LUZP2: variants seen among roughly 807,000 people sequenced by gnomAD.
The protein encoded by LUZP2 is leucine zipper protein 2.
LUZP2 carries 52 observed loss-of-function variants against 51.6 expected under a neutral mutation model. The ratio of observed to expected loss-of-function variants is 1.01; its 90% CI spans 0.81 to 1.27. The LOEUF is 1.27. Ranked by LOEUF, LUZP2 falls within the 50% of genes most tolerant of loss-of-function variation. The pLI is 0.00. For missense variants in LUZP2, 436 were observed against 395.4 expected, an observed-to-expected ratio of 1.10 and a Z score of -0.87; for synonymous variants, 154 against 137.3, an observed-to-expected ratio of 1.12 and a Z score of -0.85.
chr11:24,708,191 T>C (rs1243749859), intron 1 of LUZP2, among the ~76,000 whole-genome samples: 1 of 152,202 alleles, frequency 6.6e-6, no homozygotes, highest in Admixed American at 6.5e-5. Context: ...ATATTAATTC[T>C]TTGAAAAGAA....
At chr11:24,875,343 A>C (rs1852215661) in intron 5 of LUZP2, among the ~76,000 whole-genome samples, 1 of 149,944 alleles carries the variant, frequency 6.7e-6, no homozygotes, top group African/African-American at 2.5e-5. Context: ...ATGAGTGAGA[A>C]GATGTGGTGT....
chr11:25,051,959 T>C (rs1337765177), intron 10 of LUZP2, among the ~76,000 whole-genome samples: 1 of 152,142 alleles, frequency 6.6e-6, no homozygotes, highest in Non-Finnish European at 1.5e-5. Flanking sequence ...GTTGTTCTCC[T>C]TTGTCAGGGA....
chr11:24,928,246 G>C (rs1854337952), intron 7 of LUZP2, among the ~76,000 whole-genome samples: 2 of 151,934 alleles, frequency 1.3e-5, no homozygotes, highest in Non-Finnish European at 1.5e-5. Flanking sequence ...TTGTCTGATT[G>C]CCCTGGCTAG....
rs1190362313 is a variant in LUZP2 at position 24,543,806 on chromosome 11, A to C, written c.62+46501A>C. 4.6e-4 allele frequency among the ~76,000 whole-genome samples: 49 copies of C among 107,108 alleles called. 1 individual carries two copies. The highest frequency in any genetic ancestry group is 1.8e-3 in the African/African-American group (47 of 25,882). 70.3% of individuals were successfully genotyped at this position (107,108 alleles called of 152,430 possible). A position where few individuals can be genotyped will look rare whatever the true frequency, so the allele number is the denominator to read the frequency against. On this transcript the variant is annotated intron_variant, in intron 1 of 11. Transcript: ENST00000336930. Reference sequence around the variant, plus strand: ...CATTGCACTCCAGCCTGGGTGACAGACTGAGACTCTGTCTCACAAAAAAAA... The same window carrying C: ...CATTGCACTCCAGCCTGGGTGACAGCCTGAGACTCTGTCTCACAAAAAAAA...
At chr11:25,017,768 A>G (rs570228810) in intron 9 of LUZP2, among the ~76,000 whole-genome samples, 195 of 152,028 alleles carry the variant, frequency 1.3e-3, no homozygotes, top group African/African-American at 4.5e-3. Flanking sequence ...TTCTGGCTCT[A>G]TTTTTGTTCC....
intron 5 of LUZP2, among the ~76,000 whole-genome samples, chr11:24,770,463 T>C (rs1860364144): frequency 6.6e-6 from 1 of 152,210 alleles, no homozygotes; most frequent in Admixed American, 6.5e-5. Flanking sequence ...CTCTCAGTTA[T>C]CTTTCTCATC....
chr11:24,787,383 A>G (rs971462045), intron 5 of LUZP2, among the ~76,000 whole-genome samples: 2 of 152,184 alleles, frequency 1.3e-5, no homozygotes, highest in African/African-American at 2.4e-5. Context: ...ACAAAGATTT[A>G]TTGTGAAAAC....
intron 5 of LUZP2, among the ~76,000 whole-genome samples, chr11:24,860,120 A>T (rs72872489): frequency 6.6e-6 from 1 of 152,136 alleles, no homozygotes; most frequent in East Asian, 1.9e-4. Flanking sequence ...CCAGGGAGGC[A>T]TAAAGGCCTA....
chr11:25,012,793 C>T (rs552604271), intron 9 of LUZP2, among the ~76,000 whole-genome samples: 1 of 152,230 alleles, frequency 6.6e-6, no homozygotes, highest in African/African-American at 2.4e-5. Flanking sequence ...ACTCGTACAT[C>T]CACTATGAAG....
At chr11:24,913,959 T>C (rs1853715559) in intron 6 of LUZP2, among the ~76,000 whole-genome samples, 1 of 152,154 alleles carries the variant, frequency 6.6e-6, no homozygotes, top group African/African-American at 2.4e-5. Context: ...GTGATGGCCC[T>C]CTTAAAAAAT....
At chr11:24,878,485 G>A (rs899384830) in intron 5 of LUZP2, among the ~76,000 whole-genome samples, 1 of 151,828 alleles carries the variant, frequency 6.6e-6, no homozygotes, top group Non-Finnish European at 1.5e-5. Context: ...TTGTTTTCCT[G>A]GACCTTTGGG....
At chr11:24,668,499 G>C (rs1016151147) in intron 1 of LUZP2, among the ~76,000 whole-genome samples, 3 of 152,156 alleles carry the variant, frequency 2.0e-5, no homozygotes, top group Non-Finnish European at 4.4e-5. Context: ...CCCTTGTAAA[G>C]AGAATACCAT....
intron 1 of LUZP2, among the ~76,000 whole-genome samples, chr11:24,547,483 A>G (rs1379830310): frequency 1.3e-5 from 2 of 152,160 alleles, no homozygotes; most frequent in Non-Finnish European, 2.9e-5. Flanking sequence ...CTATTTATTC[A>G]ATAAATGATG....
In LUZP2 at chr11:24,912,558, G is replaced by A. The variant is rs538749326; in HGVS notation, c.460-1918G>A. Among the ~76,000 whole-genome samples, 7 of 152,074 alleles carry A rather than the reference G, an allele frequency of 4.6e-5. No individual in the cohort carries two copies. In the South Asian group the frequency reaches 6.2e-4, roughly 14 times the overall value. ...GCATGGTGGCTCACATCTGTAATCCGAGCACTTTGGGATGCTGAGGTGGGC... is the reference window on the plus strand; with the variant it reads ...GCATGGTGGCTCACATCTGTAATCCAAGCACTTTGGGATGCTGAGGTGGGC... On this transcript the variant is annotated intron_variant, in intron 6 of 11. Coordinates refer to ENST00000336930, the MANE Select transcript of LUZP2 (RefSeq NM_001009909.4).
At chr11:24,993,864 T>G (rs546920386) in intron 9 of LUZP2, among the ~76,000 whole-genome samples, 26 of 144,714 alleles carry the variant, frequency 1.8e-4, no homozygotes, top group African/African-American at 2.8e-4. Context: ...TTCTTTTTTT[T>G]GGGGGGGGTG....
chr11:24,986,915 A>C (rs2133920345), intron 9 of LUZP2, among the ~76,000 whole-genome samples: 1 of 151,972 alleles, frequency 6.6e-6, no homozygotes, highest in Admixed American at 6.6e-5. Context: ...TATTTGCATA[A>C]TAGAACGTTT....
At chr11:24,681,478 A>G (rs1198301113) in intron 1 of LUZP2, among the ~76,000 whole-genome samples, 1 of 152,166 alleles carries the variant, frequency 6.6e-6, no homozygotes, top group Non-Finnish European at 1.5e-5. Flanking sequence ...TATAGTTTCT[A>G]TTTATAATGT....
chr11:24,742,018 T>TTG (rs1242846057), intron 4 of LUZP2, among the ~76,000 whole-genome samples: 7 of 123,934 alleles, frequency 5.6e-5, no homozygotes, highest in African/African-American at 2.3e-4. Flanking sequence ...ATAAATATAA[T>TTG]TATATATTTT....
At chr11:24,794,144 G>A (rs1221649023) in intron 5 of LUZP2, among the ~76,000 whole-genome samples, 1 of 152,010 alleles carries the variant, frequency 6.6e-6, no homozygotes, top group East Asian at 1.9e-4. Flanking sequence ...GGCCTTGTTA[G>A]CCTTGTCAGA....
Sources: allele counts gnomAD v4.1 joint callset (sites outside exome capture counted in the v4.1 genomes callset), GRCh38; gene constraint gnomAD v4.1.1; transcripts MANE v1.5; gene names NCBI Gene and HGNC (gene_info 2026-07-23, HGNC 2026-07-21).